The following CEP95 variants were observed in gnomAD, a reference collection of about 807,000 sequenced individuals.
The protein encoded by CEP95 is centrosomal protein of 95 kDa.
CEP95 carries 98 observed loss-of-function variants against 111.2 expected under a neutral mutation model. That is an observed-to-expected ratio of 0.88 (90% confidence interval 0.75 to 1.04). The LOEUF (loss-of-function observed/expected upper bound fraction) is 1.04. Among genes scored for constraint, CEP95 ranks in the 50% least tolerant of loss-of-function variants. CEP95 has a pLI of 0.00. For synonymous variants in CEP95, 323 were observed against 327.1 expected, an observed-to-expected ratio of 0.99 and a Z score of 0.14; for missense variants, 1,027 against 977.2, an observed-to-expected ratio of 1.05 and a Z score of -0.68.
In CEP95 at chr17:64,533,100, T is replaced by TC; in HGVS notation, c.1843-16dup. On this transcript the variant is annotated splice_polypyrimidine_tract_variant and intron_variant, in intron 15 of 19. Coordinates refer to ENST00000556440, the MANE Select transcript of CEP95 (RefSeq NM_138363.3). ...AACAGCATTATTAACCTACTTAACT[T>TC]CATGTCCCCCTTCAAGATAGAAGAA... 6.2e-7 allele frequency: 1 copy of TC among 1,606,866 alleles called. No individual in the cohort carries two copies. Among genetic ancestry groups the TC allele is most frequent in the Non-Finnish European group, 8.5e-7 (1 of 1,177,712 alleles).
intron 1 of CEP95, chr17:64,507,970 A>G: frequency 1.0e-6 from 1 of 985,394 alleles, no homozygotes; most frequent in Non-Finnish European, 1.2e-6. Context: ...CGTCAACAGT[A>G]TTGATAATTC....
At chr17:64,534,489 G>A (rs781862978) in intron 16 of CEP95, 96 bp from the exon 17 acceptor site, 8 of 1,154,204 alleles carry the variant, frequency 6.9e-6, no homozygotes, top group East Asian at 2.4e-5. Context: ...CATACTGCCT[G>A]AAGACATCGT....
intron 3 of CEP95, among the ~76,000 whole-genome samples, chr17:64,512,956 C>G (rs2038969978): frequency 6.6e-6 from 1 of 152,118 alleles, no homozygotes; most frequent in African/African-American, 2.4e-5. Context: ...TTACACCCAC[C>G]CTATGAAAAA....
At chr17:64,530,382 AAAAAC>A (rs782702024) in intron 12 of CEP95, among the ~76,000 whole-genome samples, 4 of 152,184 alleles carry the variant, frequency 2.6e-5, no homozygotes, top group Non-Finnish European at 5.9e-5. Context: ...GACTGTCTCA[AAAAAC>A]AAAACAAGAA....
At chr17:64,525,011 CAAG>C (rs1555678785) in intron 8 of CEP95, among the ~76,000 whole-genome samples, 1 of 151,560 alleles carries the variant, frequency 6.6e-6, no homozygotes, top group Admixed American at 6.6e-5. Context: ...TTCTTCATCA[CAAG>C]AAGTATTTTC....
chr17:64,531,890 G>GA lies in CEP95; in HGVS notation c.1546dup (p.Ile516AsnfsTer9). 5 of 1,558,348 alleles carry GA rather than the reference G, an allele frequency of 3.2e-6. No individual in the cohort carries two copies. Among genetic ancestry groups the GA allele is most frequent in the Non-Finnish European group, 4.3e-6 (5 of 1,158,368 alleles). ...ATTCTGTTTTATATCTGCTTCTAAG[G>GA]AAAAAATATACAGAGGAGAAGCTGT... On this transcript the variant is annotated frameshift_variant and splice_region_variant, in exon 14 of 20. Transcript: ENST00000556440. LOFTEE classifies it high-confidence loss of function.
chr17:64,513,261 A>G (rs1303921134), intron 3 of CEP95, among the ~76,000 whole-genome samples: 17 of 152,096 alleles, frequency 1.1e-4, no homozygotes, highest in African/African-American at 3.9e-4. Context: ...GATTCTCCCA[A>G]ATGTCAAATT....
In CEP95 at chr17:64,507,029, A is replaced by G. The variant is rs2038575379; in HGVS notation, c.-69A>G. The G allele has an allele frequency of 3.9e-6, 6 of 1,540,956 alleles. No homozygotes were observed. The highest frequency in any genetic ancestry group is 2.0e-5 in the Admixed American group (1 of 50,966). Reference sequence around the variant, plus strand: ...GCGCCCCAGTGTCGGGTCTGCGTGGATCGGTCCTTCCAGGACACCGTCGCC... The same window carrying G: ...GCGCCCCAGTGTCGGGTCTGCGTGGGTCGGTCCTTCCAGGACACCGTCGCC... On this transcript the variant is annotated 5_prime_UTR_variant, in exon 1 of 20. Coordinates refer to ENST00000556440, the MANE Select transcript of CEP95 (RefSeq NM_138363.3).
intron 19 of CEP95, 133 bp from the exon 20 acceptor site, chr17:64,537,470 C>T: frequency 7.1e-7 from 1 of 1,408,718 alleles, no homozygotes; most frequent in Non-Finnish European, 9.2e-7. Context: ...AGTTAGGTCT[C>T]TGTAAGAGCT....
chr17:64,532,115 A>C (rs1598243746), intron 14 of CEP95, 93 bp downstream of exon 14: 53 of 1,376,498 alleles, frequency 3.9e-5, no homozygotes, highest in Admixed American at 2.4e-4. Context: ...GCTAACATCC[A>C]CCAGTTAGCC....
chr17:64,510,523 G>A (rs1451541002), intron 3 of CEP95, among the ~76,000 whole-genome samples: 4 of 151,978 alleles, frequency 2.6e-5, no homozygotes, highest in Non-Finnish European at 4.4e-5. Flanking sequence ...GTAATTTGAG[G>A]TGTGTTTTTT....
chr17:64,533,243 C>A, intron 16 of CEP95, 52 bp downstream of exon 16: 2 of 1,435,002 alleles, frequency 1.4e-6, no homozygotes, highest in South Asian at 1.3e-5. Context: ...TATATTCATT[C>A]CCTTTATCTG....
chr17:64,527,673 T>G (rs1555679405), intron 11 of CEP95, among the ~76,000 whole-genome samples: 1 of 152,024 alleles, frequency 6.6e-6, no homozygotes, highest in East Asian at 1.9e-4. Context: ...GCAACTTGCG[T>G]TTTTTTCTGA....
chr17:64,532,922 A>G lies in CEP95; in HGVS notation c.1756A>G (p.Met586Val). The change falls in exon 15 of 20, where the codon ATG becomes GTG. Residue 586 changes from methionine to valine, a missense_variant. Transcript: ENST00000556440. ...TGTTTCTGGCCCAACACTAAGCAAAATGTGGAAACAGCAAATTGCACAGGT... is the reference window on the plus strand; with the variant it reads ...TGTTTCTGGCCCAACACTAAGCAAAGTGTGGAAACAGCAAATTGCACAGGT... ...LYVSGPTLSK[M>V]WKQQIAQVEQ... 1 of 1,613,954 alleles carries G rather than the reference A, an allele frequency of 6.2e-7. No homozygotes were observed. Among genetic ancestry groups the G allele is most frequent in the South Asian group, 1.1e-5 (1 of 91,080 alleles).
intron 17 of CEP95, 42 bp from the exon 18 acceptor site, chr17:64,536,560 G>A (rs200445514): frequency 6.5e-4 from 981 of 1,515,650 alleles, no homozygotes; most frequent in Non-Finnish European, 8.1e-4. Flanking sequence ...TGGCCAAAAT[G>A]ATATTCCTCA....
intron 4 of CEP95, chr17:64,516,229 T>A (rs1231834995): frequency 6.6e-6 from 1 of 152,238 alleles, no homozygotes; most frequent in African/African-American, 2.4e-5. Flanking sequence ...TGAAATTATT[T>A]CCCTAGTGAG....
chr17:64,521,758 C>CTT (rs569926654), intron 7 of CEP95, among the ~76,000 whole-genome samples: 1 of 145,844 alleles, frequency 6.9e-6, no homozygotes, highest in African/African-American at 2.5e-5. Flanking sequence ...CACCACTTAC[C>CTT]TTTTTTTTTT....
At chr17:64,537,484 G>T in intron 19 of CEP95, 119 bp from the exon 20 acceptor site, 2 of 1,426,298 alleles carry the variant, frequency 1.4e-6, no homozygotes, top group Non-Finnish European at 1.8e-6. Flanking sequence ...AAGAGCTGCT[G>T]TTGCTAGATT....
chr17:64,522,428 G>C (rs575511313), intron 7 of CEP95, among the ~76,000 whole-genome samples: 15 of 151,734 alleles, frequency 9.9e-5, no homozygotes, highest in Admixed American at 9.2e-4. Flanking sequence ...GATCACTTGA[G>C]CCCAGGAGTT....
Sources: gnomAD v4.1 joint callset for allele counts (sites outside exome capture counted in the v4.1 genomes callset) on GRCh38, gnomAD v4.1.1 for gene constraint, MANE v1.5 for transcripts, NCBI Gene and HGNC (gene_info 2026-07-23, HGNC 2026-07-21) for gene names.